The following OPCML variants were observed in gnomAD, a reference collection of about 807,000 sequenced individuals.
OPCML encodes the protein opioid-binding protein/cell adhesion molecule.
Under a neutral mutation model 37.8 loss-of-function variants are expected in OPCML, and 13 were observed. That is an observed-to-expected ratio of 0.34 (90% CI 0.22 to 0.55). The LOEUF (loss-of-function observed/expected upper bound fraction) is 0.55, where lower values mean the gene tolerates loss of function less well. Among genes scored for constraint, OPCML ranks in the 20% least tolerant of loss-of-function variants. The pLI is 0.91. For synonymous variants in OPCML, 176 were observed against 168.8 expected (o/e 1.04, Z -0.33); for missense variants, 341 against 435.6 (o/e 0.78, Z 1.93).
At position 132,808,993 on chromosome 11, in the gene OPCML, G is replaced by A. The variant is rs180883989; in HGVS notation, c.146+133933C>T. Among the ~76,000 whole-genome samples the A allele has an allele frequency of 6.6e-5, 10 of 151,984 alleles. No homozygotes were observed. The South Asian group carries it at 1.9e-3, about 28-fold the overall frequency. ...TTAAAATTTGGTCGGTGGGGGCGGG[G>A]GGGTTGCTTTTTAAAAGTTTGCTTG... On this transcript the variant is annotated intron_variant, in intron 2 of 7. Transcript: ENST00000524381.
At chr11:133,182,276 C>T (rs906423018) in intron 1 of OPCML, among the ~76,000 whole-genome samples, 11 of 152,112 alleles carry the variant, frequency 7.2e-5, no homozygotes, top group African/African-American at 2.4e-4. Context: ...TAAAATGATA[C>T]CAAAAGATTA....
intron 1 of OPCML, among the ~76,000 whole-genome samples, chr11:133,056,035 C>T (rs904235963): frequency 3.9e-5 from 6 of 152,254 alleles, no homozygotes; most frequent in Admixed American, 2.0e-4. Context: ...CCGCCTCTAC[C>T]GTATAATGCT....
intron 3 of OPCML, among the ~76,000 whole-genome samples, chr11:132,550,353 C>A (rs1591537545): frequency 6.6e-6 from 1 of 152,208 alleles, no homozygotes; most frequent in Middle Eastern, 3.4e-3. Context: ...GCGCCATTCC[C>A]TCGGTGCTGT....
intron 1 of OPCML, among the ~76,000 whole-genome samples, chr11:133,375,099 T>C (rs1944769845): frequency 2.0e-5 from 3 of 152,198 alleles, no homozygotes; most frequent in African/African-American, 7.2e-5. Flanking sequence ...TCCTTCTCCA[T>C]CTTTACATAT....
At chr11:132,717,885 A>G (rs1944548139) in intron 2 of OPCML, among the ~76,000 whole-genome samples, 1 of 152,228 alleles carries the variant, frequency 6.6e-6, no homozygotes, top group Non-Finnish European at 1.5e-5. Flanking sequence ...AGGCAAGGAC[A>G]GCATTCGCTA....
intron 1 of OPCML, among the ~76,000 whole-genome samples, chr11:133,126,203 C>CT (rs1287097659): frequency 1.3e-5 from 2 of 151,994 alleles, no homozygotes; most frequent in Non-Finnish European, 2.9e-5. Context: ...ATAAATCAGT[C>CT]TGAGTCTGAA....
intron 2 of OPCML, among the ~76,000 whole-genome samples, chr11:132,828,563 C>G (rs1277280932): frequency 1.3e-5 from 2 of 149,762 alleles, no homozygotes; most frequent in African/African-American, 2.5e-5. Flanking sequence ...AAAAAAAAGT[C>G]TATTTATTTT....
intron 1 of OPCML, among the ~76,000 whole-genome samples, chr11:133,252,575 G>A: frequency 6.6e-6 from 1 of 152,136 alleles, no homozygotes; most frequent in East Asian, 1.9e-4. Flanking sequence ...GGTTCCCAGA[G>A]TCTCCCGAAG....
chr11:132,974,538 T>A (rs1004776738), intron 1 of OPCML, among the ~76,000 whole-genome samples: 8 of 152,192 alleles, frequency 5.3e-5, no homozygotes, highest in Admixed American at 1.3e-4. Context: ...ATAGGAACGC[T>A]TTTACACTGT....
rs1447716510 is a variant in OPCML at position 133,174,236 on chromosome 11, C to G, written c.62-231226G>C. Reference sequence around the variant, plus strand: ...AGAAGGAAATGGAGCTCCGGAGTAACTCCTAGAAGGCGAAGCATGATTAGA... The same window carrying G: ...AGAAGGAAATGGAGCTCCGGAGTAAGTCCTAGAAGGCGAAGCATGATTAGA... On this transcript the variant is annotated intron_variant, in intron 1 of 7. Coordinates refer to ENST00000524381, the MANE Select transcript of OPCML (RefSeq NM_001012393.5). This position sits in a 1 kb window ranked among gnomAD's most constrained non-coding sequence, Gnocchi z 4.6. 2.0e-5 allele frequency among the ~76,000 whole-genome samples: 3 copies of G among 152,166 alleles called. No individual in the cohort carries two copies.
At chr11:133,094,853 C>T (rs1948972811) in intron 1 of OPCML, among the ~76,000 whole-genome samples, 1 of 152,070 alleles carries the variant, frequency 6.6e-6, no homozygotes, top group East Asian at 1.9e-4. Flanking sequence ...GGGAAGATTT[C>T]ATGACAACAT....
In OPCML at chr11:133,306,411, A is replaced by G. The variant is rs2136579683; in HGVS notation, c.61+225853T>C. Among the ~76,000 whole-genome samples, 4 of 152,310 alleles carry G rather than the reference A, an allele frequency of 2.6e-5. No individual in the cohort carries two copies. The South Asian group carries it at 8.3e-4, about 32-fold the overall frequency. On this transcript the variant is annotated intron_variant, in intron 1 of 7. Transcript: ENST00000524381. ...TATTTTAAGAATACTATGGTGCTTAATTTTGAATAATGATTTGACGCGGTC... is the reference window on the plus strand; with the variant it reads ...TATTTTAAGAATACTATGGTGCTTAGTTTTGAATAATGATTTGACGCGGTC...
intron 2 of OPCML, among the ~76,000 whole-genome samples, chr11:132,697,842 T>G (rs1212724034): frequency 1.3e-5 from 2 of 152,144 alleles, no homozygotes; most frequent in Non-Finnish European, 2.9e-5. Context: ...CATGGCTTAC[T>G]GCAGCCTTGT....
intron 1 of OPCML, among the ~76,000 whole-genome samples, chr11:133,409,502 T>A (rs370592193): frequency 6.6e-6 from 1 of 152,218 alleles, no homozygotes; most frequent in East Asian, 1.9e-4. Context: ...ACAAATGTTC[T>A]TTTACACTAG....
At chr11:133,006,769 T>C in intron 1 of OPCML, 1 of 985,464 alleles carries the variant, frequency 1.0e-6, no homozygotes, top group Non-Finnish European at 1.2e-6. Flanking sequence ...TGACAACGCC[T>C]GCCCCATGCA....
At chr11:133,440,761 A>ATT (rs1219794027) in intron 1 of OPCML, among the ~76,000 whole-genome samples, 3 of 119,538 alleles carry the variant, frequency 2.5e-5, no homozygotes, top group African/African-American at 5.4e-5. Flanking sequence ...ACCTACAGCA[A>ATT]TTATATATAT....
chr11:133,353,687 GGCAGGAGCCT>G (rs1418222089), intron 1 of OPCML, among the ~76,000 whole-genome samples: 3 of 152,184 alleles, frequency 2.0e-5, no homozygotes, highest in Non-Finnish European at 4.4e-5. Context: ...TCACTTGGCA[GGCAGGAGCCT>G]GCTCTCTACT....
At chr11:133,460,545 T>C (rs1377200412) in intron 1 of OPCML, among the ~76,000 whole-genome samples, 2 of 151,772 alleles carry the variant, frequency 1.3e-5, no homozygotes, top group African/African-American at 4.8e-5. Flanking sequence ...GAAAAGATTA[T>C]AAGGAGTACT....
At chr11:132,599,887 A>G (rs1207539304) in intron 3 of OPCML, among the ~76,000 whole-genome samples, 1 of 152,172 alleles carries the variant, frequency 6.6e-6, no homozygotes, top group African/African-American at 2.4e-5. Context: ...AAATCAGGTT[A>G]TTTTCTGGGA....
Sources: allele counts gnomAD v4.1 joint callset (sites outside exome capture counted in the v4.1 genomes callset), GRCh38; gene constraint gnomAD v4.1.1; non-coding constraint Gnocchi (gnomAD v3.1); transcripts MANE v1.5; gene names NCBI Gene and HGNC (gene_info 2026-07-23, HGNC 2026-07-21).